Variants in FGGY observed in about 807,000 individuals in gnomAD.
FGGY encodes the protein FGGY carbohydrate kinase domain-containing protein.
In FGGY, 72 loss-of-function variants were observed where a neutral mutation model predicts 71.3. That is an observed-to-expected ratio of 1.01 (90% CI 0.84 to 1.23). The LOEUF (loss-of-function observed/expected upper bound fraction) is 1.23. FGGY is among the 50% of genes most tolerant of loss of function. The pLI, the probability that FGGY is intolerant of heterozygous loss-of-function variation, is 0.00. For missense variants in FGGY, 668 were observed against 682.3 expected (o/e 0.98, Z 0.23); for synonymous variants, 251 against 250.3 (o/e 1.00, Z -0.02).
chr1:59,478,956 C>T (rs992724466), intron 6 of FGGY, among the ~76,000 whole-genome samples: 10 of 152,126 alleles, frequency 6.6e-5, no homozygotes, highest in African/African-American at 2.2e-4. Flanking sequence ...TATAGTGACT[C>T]GGGGACCTTA....
intron 5 of FGGY, among the ~76,000 whole-genome samples, chr1:59,456,395 C>T (rs956342952): frequency 1.1e-4 from 16 of 151,064 alleles, no homozygotes; most frequent in Non-Finnish European, 1.3e-4. Flanking sequence ...GATGTAAATA[C>T]GAATATTCAT....
intron 14 of FGGY, among the ~76,000 whole-genome samples, chr1:59,715,567 T>G (rs760153429): frequency 1.3e-5 from 2 of 152,168 alleles, no homozygotes; most frequent in Admixed American, 6.5e-5. Flanking sequence ...GGTTTTAGAG[T>G]CAGTCAAGCC....
chr1:59,419,410 A>G (rs548341936), intron 5 of FGGY, among the ~76,000 whole-genome samples: 221 of 152,300 alleles, frequency 1.5e-3, no homozygotes, highest in Non-Finnish European at 2.3e-3. Context: ...ATCCTGACTA[A>G]CCTACTCACT....
intron 4 of FGGY, among the ~76,000 whole-genome samples, chr1:59,362,551 A>G (rs2055771296): frequency 6.6e-6 from 1 of 152,098 alleles, no homozygotes; most frequent in Non-Finnish European, 1.5e-5. Flanking sequence ...ATGGCCATGG[A>G]TGCTGCTGAT....
At chr1:59,346,136 T>C (rs1378457883) in intron 3 of FGGY, 111 bp from the exon 4 acceptor site, 3 of 1,385,956 alleles carry the variant, frequency 2.2e-6, no homozygotes, top group East Asian at 4.8e-5. Flanking sequence ...TCTTGATACA[T>C]AAAATTATAG....
chr1:59,638,427 A>G (rs753832638), intron 11 of FGGY, 52 bp downstream of exon 11: 4 of 1,594,696 alleles, frequency 2.5e-6, no homozygotes, highest in Non-Finnish European at 3.4e-6. Flanking sequence ...AAAGGGCTAC[A>G]AAGTTTGGAA....
chr1:59,462,622 A>G (rs9729690), intron 6 of FGGY, among the ~76,000 whole-genome samples: 61,533 of 151,998 alleles, frequency 0.4, 12,636 homozygotes, highest in Middle Eastern at 0.5. Context: ...GAAAAAACAA[A>G]CAACCCCATC....
At chr1:59,679,452 C>G (rs1394560337) in intron 14 of FGGY, among the ~76,000 whole-genome samples, 1 of 151,620 alleles carries the variant, frequency 6.6e-6, no homozygotes, top group South Asian at 2.1e-4. Context: ...AAGTATGAAA[C>G]CATCCCATTT....
intron 14 of FGGY, among the ~76,000 whole-genome samples, chr1:59,740,364 A>G (rs766961396): frequency 7.2e-5 from 11 of 152,186 alleles, no homozygotes; most frequent in African/African-American, 2.4e-5. Context: ...TTAGCCACCA[A>G]CTACCTCTAA....
At chr1:59,416,325 G>A (rs2064410597) in intron 5 of FGGY, among the ~76,000 whole-genome samples, 1 of 152,092 alleles carries the variant, frequency 6.6e-6, no homozygotes, top group Non-Finnish European at 1.5e-5. Flanking sequence ...TCTGTCTGTG[G>A]TATTGAAATT....
intron 6 of FGGY, among the ~76,000 whole-genome samples, chr1:59,480,253 A>G (rs1457766314): frequency 1.3e-5 from 2 of 152,112 alleles, no homozygotes; most frequent in African/African-American, 4.8e-5. Flanking sequence ...AACCCGAATT[A>G]TGGTCTCCCC....
chr1:59,418,030 A>G (rs1476580877), intron 5 of FGGY, among the ~76,000 whole-genome samples: 1 of 152,188 alleles, frequency 6.6e-6, no homozygotes, highest in African/African-American at 2.4e-5. Flanking sequence ...ATAGCTGGGC[A>G]TATGACTTCT....
intron 14 of FGGY, among the ~76,000 whole-genome samples, chr1:59,681,849 T>C (rs1051016875): frequency 2.6e-5 from 4 of 151,706 alleles, no homozygotes; most frequent in Non-Finnish European, 5.9e-5. Flanking sequence ...AAGTTTGAGG[T>C]TCGATTCAGA....
Position 59,522,492 on chromosome 1 carries a change from A to G in FGGY, c.799+10053A>G, listed in dbSNP as rs80232345. Reference sequence around the variant, plus strand: ...CACAGGAGTCTGGGTTCCATCAATCATGGGGAATAAGGCCAGGCTTATTAG... The same window carrying G: ...CACAGGAGTCTGGGTTCCATCAATCGTGGGGAATAAGGCCAGGCTTATTAG... On this transcript the variant is annotated intron_variant, in intron 7 of 15. Coordinates refer to ENST00000303721, the MANE Select transcript of FGGY (RefSeq NM_018291.5). Among the ~76,000 whole-genome samples the G allele has an allele frequency of 6.7e-4, 102 of 152,314 alleles. 3 individuals are homozygous for G. The East Asian group carries it at 0.019, about 29-fold the overall frequency.
chr1:59,486,831 G>A (rs2093672155), intron 6 of FGGY, among the ~76,000 whole-genome samples: 1 of 152,222 alleles, frequency 6.6e-6, no homozygotes, highest in Non-Finnish European at 1.5e-5. Flanking sequence ...TCAGCCAAGA[G>A]AATCCTTGAA....
At chr1:59,678,761 C>G (rs148605669) in intron 14 of FGGY, among the ~76,000 whole-genome samples, 10 of 152,180 alleles carry the variant, frequency 6.6e-5, no homozygotes, top group South Asian at 2.1e-4. Context: ...CACCACCCCC[C>G]ACCCTTGAAA....
intron 1 of FGGY, among the ~76,000 whole-genome samples, chr1:59,313,317 A>G (rs1424912007): frequency 6.6e-6 from 1 of 152,214 alleles, no homozygotes; most frequent in Non-Finnish European, 1.5e-5. Flanking sequence ...CATTCAGACC[A>G]TAACATTAGA....
At chr1:59,489,041 G>T (rs2093742882) in intron 6 of FGGY, among the ~76,000 whole-genome samples, 1 of 151,888 alleles carries the variant, frequency 6.6e-6, no homozygotes, top group Non-Finnish European at 1.5e-5. Context: ...TTTGTGAATT[G>T]TCTAGATACT....
At chr1:59,457,475 C>A (rs578086172) in intron 6 of FGGY, among the ~76,000 whole-genome samples, 1 of 152,104 alleles carries the variant, frequency 6.6e-6, no homozygotes, top group Admixed American at 6.5e-5. Context: ...AGCCTGGCCT[C>A]GTGCATATGT....
Sources: allele counts gnomAD v4.1 joint callset (sites outside exome capture counted in the v4.1 genomes callset), GRCh38; gene constraint gnomAD v4.1.1; transcripts MANE v1.5; gene names NCBI Gene and HGNC (gene_info 2026-07-23, HGNC 2026-07-21).